Variants in ZFAND3 observed in about 807,000 individuals in gnomAD.
ZFAND3 encodes the protein zinc finger AN1-type containing 3, also known as AN1-type zinc finger protein 3.
In ZFAND3, 10 loss-of-function variants were observed where a neutral mutation model predicts 29.6. The ratio of observed to expected loss-of-function variants is 0.34; its 90% CI spans 0.21 to 0.57. The LOEUF is 0.57. Ranked by LOEUF, ZFAND3 falls within the 20% of genes least tolerant of loss-of-function variation. The probability of loss-of-function intolerance (pLI) is 0.86; values close to 1 mark genes in which losing one functional copy is unlikely to be tolerated. For synonymous variants in ZFAND3, 128 were observed against 112.6 expected, an observed-to-expected ratio of 1.14 and a Z score of -0.87; for missense variants, 230 against 304.5, an observed-to-expected ratio of 0.76 and a Z score of 1.82.
intron 1 of ZFAND3, among the ~76,000 whole-genome samples, chr6:37,882,367 C>A (rs1262024329): frequency 6.6e-6 from 1 of 152,066 alleles, no homozygotes. Flanking sequence ...AGCCGCCCCC[C>A]CAATTCTCTT....
intron 2 of ZFAND3, among the ~76,000 whole-genome samples, chr6:38,031,052 A>G (rs1400188461): frequency 6.6e-6 from 1 of 152,206 alleles, no homozygotes; most frequent in African/African-American, 2.4e-5. Flanking sequence ...GTGATAGATC[A>G]AGGATACAAC....
chr6:38,120,368 C>T (rs919874654), intron 5 of ZFAND3, among the ~76,000 whole-genome samples: 2 of 124,474 alleles, frequency 1.6e-5, no homozygotes, highest in South Asian at 2.5e-4. Context: ...CGGAGTCGCC[C>T]AGGCTGGAGT....
chr6:38,052,399 A>C (rs1764044039), intron 2 of ZFAND3, among the ~76,000 whole-genome samples: 1 of 152,088 alleles, frequency 6.6e-6, no homozygotes. Flanking sequence ...AGGTAGGAGC[A>C]CTCTTGCTTC....
At chr6:37,926,309 T>C (rs183252035) in intron 1 of ZFAND3, among the ~76,000 whole-genome samples, 108 of 152,350 alleles carry the variant, frequency 7.1e-4, no homozygotes, top group African/African-American at 2.4e-3. Flanking sequence ...TTCTGGAGAC[T>C]AGAAGTCCAA....
At position 38,152,749 on chromosome 6, in the gene ZFAND3, G is replaced by A. The variant is rs1161142525; in HGVS notation, c.*360G>A. 9.9e-7 allele frequency: 1 copy of A among 1,005,332 alleles called. No individual in the cohort carries two copies. The highest frequency in any genetic ancestry group is 1.2e-6 in the Non-Finnish European group (1 of 843,276). The allele number at this position is 1,005,332 out of a possible 1,614,324, so 62.3% of individuals were successfully genotyped here. A position where few individuals can be genotyped will look rare whatever the true frequency, so the allele number is the denominator to read the frequency against. ...ACGGAGACTCTGAGTTAATAGAGGA[G>A]TAGAAGCTGGTGTTAAAGTTCCCAC... On this transcript the variant is annotated 3_prime_UTR_variant, in exon 6 of 6. Transcript: ENST00000287218.
Position 37,819,809 on chromosome 6 carries a change from C to A in ZFAND3, c.-137C>A. The A allele has an allele frequency of 3.9e-6, 2 of 512,950 alleles. No individual in the cohort carries two copies. The highest frequency in any genetic ancestry group is 1.6e-4 in the South Asian group (2 of 12,366). 31.8% of individuals were successfully genotyped at this position (512,950 alleles called of 1,614,324 possible). On this transcript the variant is annotated 5_prime_UTR_variant, in exon 1 of 6. Coordinates refer to ENST00000287218, the MANE Select transcript of ZFAND3 (RefSeq NM_021943.3). ...CCCGGCTCCGAGCCCCGGACTCGCG[C>A]CCGCCCGCGCGCCCGCTCCTTCCCC...
At chr6:38,094,424 A>G (rs745770971) in intron 4 of ZFAND3, among the ~76,000 whole-genome samples, 6 of 152,184 alleles carry the variant, frequency 3.9e-5, no homozygotes, top group Non-Finnish European at 7.3e-5. Context: ...ACACCATATC[A>G]CAGAATAGCT....
chr6:37,962,840 T>G (rs1282011051), intron 2 of ZFAND3, among the ~76,000 whole-genome samples: 1 of 152,222 alleles, frequency 6.6e-6, no homozygotes, highest in East Asian at 1.9e-4. Context: ...CTGCTCACTC[T>G]TTGGGTCCGC....
intron 2 of ZFAND3, among the ~76,000 whole-genome samples, chr6:37,972,861 G>T (rs1016623139): frequency 6.6e-5 from 10 of 152,110 alleles, no homozygotes; most frequent in African/African-American, 2.2e-4. Context: ...AACAAGTGCT[G>T]TGAAGTCAAT....
intron 1 of ZFAND3, among the ~76,000 whole-genome samples, chr6:37,857,604 G>T (rs1764408725): frequency 6.6e-6 from 1 of 152,212 alleles, no homozygotes; most frequent in African/African-American, 2.4e-5. Flanking sequence ...TGGAGGGTTT[G>T]TAGAGTAAAG....
At chr6:38,079,173 AG>A (rs1764609718) in intron 3 of ZFAND3, among the ~76,000 whole-genome samples, 1 of 152,174 alleles carries the variant, frequency 6.6e-6, no homozygotes, top group African/African-American at 2.4e-5. Context: ...AGTGTTTCAT[AG>A]GTTGTAGTTT....
intron 1 of ZFAND3, among the ~76,000 whole-genome samples, chr6:37,914,672 C>CTTTTTTTTTTTTTTTTTTTTTTTTTTT (rs71542148): frequency 3.8e-4 from 43 of 114,192 alleles, no homozygotes; most frequent in East Asian, 9.5e-4. Flanking sequence ...CTTTTTTTTT[C>CTTTTTTTTTTTTTTTTTTTTTTTTTTT]TTTTTTTTTT....
intron 5 of ZFAND3, among the ~76,000 whole-genome samples, chr6:38,122,130 A>G (rs540449084): frequency 3.9e-5 from 6 of 152,200 alleles, no homozygotes; most frequent in African/African-American, 1.4e-4. Flanking sequence ...ATGATTTGTT[A>G]TGGTACAGTT....
intron 2 of ZFAND3, among the ~76,000 whole-genome samples, chr6:37,963,576 C>A (rs1762237783): frequency 6.6e-6 from 1 of 151,806 alleles, no homozygotes; most frequent in Non-Finnish European, 1.5e-5. Flanking sequence ...AAGAGACAAA[C>A]CTTTAGCCAG....
intron 4 of ZFAND3, among the ~76,000 whole-genome samples, chr6:38,093,008 G>C (rs1367033535): frequency 6.6e-6 from 1 of 152,086 alleles, no homozygotes; most frequent in South Asian, 2.1e-4. Context: ...TCTCAGTTTT[G>C]AAGAAGCCTA....
At chr6:38,039,599 G>C (rs1369463314) in intron 2 of ZFAND3, among the ~76,000 whole-genome samples, 2 of 152,108 alleles carry the variant, frequency 1.3e-5, no homozygotes, top group African/African-American at 4.8e-5. Context: ...TTGAGGAAAA[G>C]CTAGTTATAG....
Position 37,953,277 on chromosome 6 carries a change from A to G in ZFAND3, c.112+23278A>G, listed in dbSNP as rs559822698. 1.5e-3 allele frequency among the ~76,000 whole-genome samples: 229 copies of G among 151,838 alleles called. 1 individual carries two copies. Among genetic ancestry groups the G allele is most frequent in the African/African-American group, 5.4e-3 (222 of 41,306 alleles). ...TGTATCTCCTTTGTTGACTTATATT[A>G]ATGATTAGGCTAGGGTGTATCATAT... is the stretch of plus-strand genomic sequence containing the variant. On this transcript the variant is annotated intron_variant, in intron 2 of 5. Coordinates refer to ENST00000287218, the MANE Select transcript of ZFAND3 (RefSeq NM_021943.3).
chr6:38,142,468 C>A, intron 5 of ZFAND3: 1 of 403,676 alleles, frequency 2.5e-6, no homozygotes, highest in South Asian at 1.8e-5. Flanking sequence ...TCTTCAGCAG[C>A]TCCTGGATGG....
chr6:37,894,453 T>C (rs893986622), intron 1 of ZFAND3, among the ~76,000 whole-genome samples: 24 of 151,932 alleles, frequency 1.6e-4, no homozygotes, highest in Non-Finnish European at 2.1e-4. Context: ...ATTGTAAACC[T>C]GGAACTCCTG....
Sources: allele counts gnomAD v4.1 joint callset (sites outside exome capture counted in the v4.1 genomes callset), GRCh38; gene constraint gnomAD v4.1.1; transcripts MANE v1.5; gene names NCBI Gene and HGNC (gene_info 2026-07-23, HGNC 2026-07-21).